Variants in NOS2 observed in about 807,000 individuals in gnomAD.
NOS2 encodes the protein nitric oxide synthase, inducible.
In NOS2, 96 loss-of-function variants were observed where a neutral mutation model predicts 136.0. That is an observed-to-expected ratio of 0.71 (90% CI 0.60 to 0.84). NOS2 has a LOEUF of 0.84. Ranked by LOEUF, NOS2 falls within the 40% of genes least tolerant of loss-of-function variation. The probability of loss-of-function intolerance (pLI) is 0.00; values close to 1 mark genes in which losing one functional copy is unlikely to be tolerated. For synonymous variants in NOS2, 539 were observed against 587.5 expected, an observed-to-expected ratio of 0.92 and a Z score of 1.20; for missense variants, 1,237 against 1,496.9, an observed-to-expected ratio of 0.83 and a Z score of 2.87.
intron 19 of NOS2, 57 bp from the exon 20 acceptor site, chr17:27,765,773 T>G (rs1908282363): frequency 6.6e-7 from 1 of 1,508,674 alleles, no homozygotes; most frequent in Admixed American, 2.1e-5. Context: ...CAGGGCTCCT[T>G]GATGGGCAGG....
chr17:27,796,981 C>T (rs1485481926), intron 2 of NOS2, among the ~76,000 whole-genome samples: 1 of 152,206 alleles, frequency 6.6e-6, no homozygotes, highest in African/African-American at 2.4e-5. Context: ...CAAGAACCTA[C>T]AATGGCTCCC....
At position 27,758,918 on chromosome 17, in the gene NOS2, T is replaced by G. The variant is rs542834106; in HGVS notation, c.3317A>C (p.Asn1106Thr). 6.2e-7 allele frequency: 1 copy of G among 1,610,508 alleles called. No individual in the cohort carries two copies. Among genetic ancestry groups the G allele is most frequent in the East Asian group, 2.2e-5 (1 of 44,570 alleles). The change falls in exon 26 of 27, where the codon AAT becomes ACT. Residue 1106 changes from asparagine (N) to threonine (T), a missense_variant. By Grantham distance (65) the Asn-to-Thr change is moderately conservative (BLOSUM62 0). This residue lies in a region of NOS2 where 782 missense variants were observed against 909.9 expected (regional missense o/e 0.86). Coordinates refer to ENST00000313735, the MANE Select transcript of NOS2 (RefSeq NM_000625.4). ...KQLVAAKLKL[N>T]EEQVEDYFFQ... ...GAAATAGTCCTCGACCTGCTCCTCA[T>G]TCAATTTCAGCTTGGCAGCCACCAG...
chr17:27,776,690 A>C (rs960401319), intron 11 of NOS2, among the ~76,000 whole-genome samples: 5 of 151,862 alleles, frequency 3.3e-5, no homozygotes, highest in Non-Finnish European at 2.9e-5. Context: ...AAAAAAAAAA[A>C]AAAAAAAAAC....
At position 27,785,527 on chromosome 17, in the gene NOS2, C is replaced by A. The variant is rs537097184; in HGVS notation, c.467+2151G>T. 3.9e-5 allele frequency among the ~76,000 whole-genome samples: 6 copies of A among 152,238 alleles called. No homozygotes were observed. In the South Asian group the frequency reaches 1.2e-3, roughly 32 times the overall value. On this transcript the variant is annotated intron_variant, in intron 5 of 26. Coordinates refer to ENST00000313735, the MANE Select transcript of NOS2 (RefSeq NM_000625.4). Reference sequence around the variant, plus strand: ...ATTCTGCTGCCCTTGGCTCAAGGGACCCTGCCATCAGAATTTTGCAGGCTT... The same window carrying A: ...ATTCTGCTGCCCTTGGCTCAAGGGAACCTGCCATCAGAATTTTGCAGGCTT...
chr17:27,757,188 C>A lies in NOS2; in HGVS notation c.*58G>T. On this transcript the variant is annotated 3_prime_UTR_variant, in exon 27 of 27. Transcript: ENST00000313735. Reference sequence around the variant, plus strand: ...CCAGGCCCTGTGACCTCAGATAATGCAGAGCTGGCTCCATCCTTAAGTTCT... The same window carrying A: ...CCAGGCCCTGTGACCTCAGATAATGAAGAGCTGGCTCCATCCTTAAGTTCT... 7.2e-7 allele frequency: 1 copy of A among 1,381,112 alleles called. No homozygotes were observed. Among genetic ancestry groups the A allele is most frequent in the Non-Finnish European group, 1.0e-6 (1 of 980,052 alleles). 85.6% of individuals were successfully genotyped at this position (1,381,112 alleles called of 1,614,324 possible). A position where few individuals can be genotyped will look rare whatever the true frequency, so the allele number is the denominator to read the frequency against.
intron 16 of NOS2, 146 bp from the exon 17 acceptor site, chr17:27,769,297 T>A: frequency 1.2e-6 from 1 of 868,532 alleles, no homozygotes; most frequent in South Asian, 1.8e-5. Context: ...GTCCTCTCCA[T>A]CCCCCAGCCT....
chr17:27,765,629 G>A lies in NOS2; in HGVS notation c.2334C>T (p.Gly778=). 1 of 1,613,228 alleles carries A rather than the reference G, an allele frequency of 6.2e-7. No homozygotes were observed. The highest frequency in any genetic ancestry group is 8.5e-7 in the Non-Finnish European group (1 of 1,179,964). The part of the protein sequence containing the change: ...LPGEHLGVCP[G]NQPALVQGIL... ...TACCTTGGACCAGGGCCGGCTGGTTGCCTGGGCAAACCCCAAGGTGCTCCC... is the reference window on the plus strand; with the variant it reads ...TACCTTGGACCAGGGCCGGCTGGTTACCTGGGCAAACCCCAAGGTGCTCCC... Residue 778 remains glycine, a synonymous_variant, in exon 20 of 27, where the codon GGC becomes GGT. Transcript: ENST00000313735.
At chr17:27,793,053 A>C (rs1909241687) in intron 2 of NOS2, among the ~76,000 whole-genome samples, 1 of 151,836 alleles carries the variant, frequency 6.6e-6, no homozygotes, top group African/African-American at 2.4e-5. Context: ...ACTTTCTACA[A>C]GCCCTTGACC....
chr17:27,775,474 C>T (rs1908629767), intron 11 of NOS2, among the ~76,000 whole-genome samples: 2 of 152,112 alleles, frequency 1.3e-5, no homozygotes, highest in South Asian at 2.1e-4. Context: ...TGGAGGCACA[C>T]ACCTGTAATC....
At chr17:27,798,629 T>C (rs1597563134) in intron 2 of NOS2, 71 bp downstream of exon 2, 2 of 896,924 alleles carry the variant, frequency 2.2e-6, no homozygotes, top group Admixed American at 1.7e-5. Context: ...AGAGGAATTC[T>C]GAGTCATCGG....
intron 4 of NOS2, among the ~76,000 whole-genome samples, chr17:27,788,193 CGTG>C (rs1334177286): frequency 2.7e-5 from 3 of 109,794 alleles, no homozygotes; most frequent in Non-Finnish European, 5.5e-5. Context: ...AAGGCACACG[CGTG>C]CACACACACA....
chr17:27,779,243 G>A (rs901827151), intron 9 of NOS2, among the ~76,000 whole-genome samples, 187 bp from the exon 10 acceptor site: 7 of 151,164 alleles, frequency 4.6e-5, no homozygotes, highest in Non-Finnish European at 7.4e-5. Context: ...CTCCCAAGTA[G>A]CTAGGACTGC....
At chr17:27,792,321 G>A (rs1422465694) in intron 2 of NOS2, among the ~76,000 whole-genome samples, 1 of 152,214 alleles carries the variant, frequency 6.6e-6, no homozygotes, top group Non-Finnish European at 1.5e-5. Context: ...GGGAATGTTA[G>A]TAAATGTTAA....
chr17:27,764,830 T>C (rs928059918), intron 20 of NOS2, among the ~76,000 whole-genome samples: 1 of 152,220 alleles, frequency 6.6e-6, no homozygotes, highest in Non-Finnish European at 1.5e-5. Flanking sequence ...AATAAGAGCC[T>C]GACATTCTCT....
rs371758052 is a variant in NOS2 at position 27,794,714 on chromosome 17, G to GCGCACACACA, written c.110+3985_110+3986insTGTGTGTGCG. Reference sequence around the variant, plus strand: ...TACACACATGCGTACACACACACGCGCACACACACACACACACACACACAC... The same window carrying GCGCACACACA: ...TACACACATGCGTACACACACACGCGCGCACACACACACACACACACACACACACACACAC... On this transcript the variant is annotated intron_variant, in intron 2 of 26. Transcript: ENST00000313735. Among the ~76,000 whole-genome samples, 127 of 145,610 alleles carry GCGCACACACA rather than the reference G, an allele frequency of 8.7e-4. 1 individual carries two copies. Among genetic ancestry groups the GCGCACACACA allele is most frequent in the African/African-American group, 2.4e-3 (96 of 39,494 alleles).
chr17:27,777,814 G>A (rs1908707564), intron 11 of NOS2, among the ~76,000 whole-genome samples: 1 of 152,114 alleles, frequency 6.6e-6, no homozygotes, highest in African/African-American at 2.4e-5. Flanking sequence ...GGAGGCTGAG[G>A]CAAGCGGATC....
chr17:27,760,507 A>G lies in NOS2; in HGVS notation c.3010+116T>C, dbSNP rs1183107073. The G allele has an allele frequency of 7.1e-6, 10 of 1,405,246 alleles. 1 individual carries two copies. The Admixed American group carries it at 2.1e-4, about 29-fold the overall frequency. The allele number at this position is 1,405,246 out of a possible 1,614,324, so 87.0% of individuals were successfully genotyped here. ...CGCAGAGGCCCGCACAGGGAAGCAA[A>G]CTTGGGAGGCCTTCCCTCGAGAGAG... On this transcript the variant is annotated intron_variant, in intron 24 of 26. Transcript: ENST00000313735.
At chr17:27,768,844 G>T in intron 17 of NOS2, 133 bp downstream of exon 17, 2 of 999,602 alleles carry the variant, frequency 2.0e-6, no homozygotes, top group Non-Finnish European at 2.8e-6. Flanking sequence ...TGTGGCCCTG[G>T]CCCATGCCTG....
At position 27,765,671 on chromosome 17, in the gene NOS2, G is replaced by T; in HGVS notation, c.2292C>A (p.Gly764=). The change falls in exon 20 of 27, where the codon GGC becomes GGA. Residue 764 remains glycine, a synonymous_variant. Coordinates refer to ENST00000313735, the MANE Select transcript of NOS2 (RefSeq NM_000625.4). ...LVELSCEDGQ[G]LNYLPGEHLG... ...GGTGCTCCCCCGGCAGGTAGTTCAG[G>T]CCTTGGCCATCCTCACAGGAGAGTT... The T allele has an allele frequency of 6.2e-7, 1 of 1,613,330 alleles. No individual in the cohort carries two copies.
Sources: gnomAD v4.1 joint callset for allele counts (sites outside exome capture counted in the v4.1 genomes callset) on GRCh38, gnomAD v4.1.1 for gene constraint, gnomAD v4.1.1 regional missense constraint, MANE v1.5 for transcripts, NCBI Gene and HGNC (gene_info 2026-07-23, HGNC 2026-07-21) for gene names.